The following TEC variants were observed in gnomAD, a reference collection of about 807,000 sequenced individuals.
TEC encodes the protein tec protein tyrosine kinase, also known as tyrosine-protein kinase Tec.
A neutral mutation model predicts 93.0 loss-of-function variants in TEC; 72 were observed. The ratio of observed to expected loss-of-function variants is 0.77; its 90% CI spans 0.64 to 0.94. The LOEUF is 0.94. Among genes scored for constraint, TEC ranks in the 40% least tolerant of loss-of-function variants. The pLI is 0.00. For missense variants in TEC, 630 were observed against 757.9 expected (o/e 0.83, Z 1.98); for synonymous variants, 249 against 247.7 (o/e 1.01, Z -0.05).
intron 2 of TEC, among the ~76,000 whole-genome samples, chr4:48,205,656 AC>A (rs1722692520): frequency 6.6e-6 from 1 of 151,912 alleles, no homozygotes; most frequent in Non-Finnish European, 1.5e-5. Context: ...ATACCACTTC[AC>A]ACTCACTAGG....
At chr4:48,267,726 C>T (rs1245909522) in intron 1 of TEC, among the ~76,000 whole-genome samples, 2 of 152,138 alleles carry the variant, frequency 1.3e-5, no homozygotes, top group Non-Finnish European at 2.9e-5. Context: ...GGAGCATCCA[C>T]GGGGAACCAG....
chr4:48,135,822 G>C lies in TEC; in HGVS notation c.*1594C>G, dbSNP rs559383136. The C allele has an allele frequency of 1.3e-5, 2 of 152,324 alleles. No individual in the cohort carries two copies. Among genetic ancestry groups the C allele is most frequent in the South Asian group, 4.1e-4 (2 of 4,822 alleles). 9.4% of individuals were successfully genotyped at this position (152,324 alleles called of 1,614,324 possible). On this transcript the variant is annotated 3_prime_UTR_variant, in exon 18 of 18. Coordinates refer to ENST00000381501, the MANE Select transcript of TEC (RefSeq NM_003215.3). ...AGCAGTTTACTTTCTTCCATTATGA[G>C]GGGCACAGGAAAAGAATAAACACAG...
At chr4:48,155,090 A>C (rs2109522899) in intron 9 of TEC, among the ~76,000 whole-genome samples, 1 of 152,342 alleles carries the variant, frequency 6.6e-6, no homozygotes, top group East Asian at 1.9e-4. Context: ...GAGGTAGAGA[A>C]AAGAAGTTCC....
chr4:48,138,457 G>T (rs927837326), intron 17 of TEC, among the ~76,000 whole-genome samples: 1 of 152,208 alleles, frequency 6.6e-6, no homozygotes, highest in East Asian at 1.9e-4. Context: ...CAGCCTGAAT[G>T]TATCGAGGTA....
chr4:48,249,569 G>A (rs575818150), intron 1 of TEC, among the ~76,000 whole-genome samples: 1 of 152,292 alleles, frequency 6.6e-6, no homozygotes, highest in East Asian at 1.9e-4. Context: ...GGTGTACTTG[G>A]CTGAATGGCC....
At chr4:48,171,494 C>T (rs754851092) in intron 3 of TEC, 45 bp from the exon 4 acceptor site, 6 of 1,507,414 alleles carry the variant, frequency 4.0e-6, no homozygotes, top group Non-Finnish European at 4.6e-6. Flanking sequence ...GACTTAGACA[C>T]AGCACTTCTG....
At chr4:48,217,222 G>A (rs1723109613) in intron 2 of TEC, among the ~76,000 whole-genome samples, 1 of 152,062 alleles carries the variant, frequency 6.6e-6, no homozygotes, top group Admixed American at 6.5e-5. Context: ...TCTTGACTCA[G>A]CCTCCCGAGT....
intron 2 of TEC, among the ~76,000 whole-genome samples, chr4:48,215,521 T>C (rs1386792010): frequency 6.6e-6 from 1 of 152,064 alleles, no homozygotes; most frequent in African/African-American, 2.4e-5. Context: ...AAATAATTAA[T>C]TAAATAAATA....
chr4:48,179,338 G>GTATATATATATA (rs61241595), intron 2 of TEC, among the ~76,000 whole-genome samples: 24 of 51,652 alleles, frequency 4.6e-4, no homozygotes, highest in African/African-American at 1.2e-3. Context: ...GACGTGGGTA[G>GTATATATATATA]TATATATATA....
chr4:48,218,389 C>T (rs1723146470), intron 2 of TEC, among the ~76,000 whole-genome samples: 1 of 152,162 alleles, frequency 6.6e-6, no homozygotes, highest in Admixed American at 6.5e-5. Context: ...AAACTCTCTA[C>T]CTCCTTATGT....
chr4:48,183,997 G>T (rs1212839639), intron 2 of TEC, among the ~76,000 whole-genome samples: 1 of 152,102 alleles, frequency 6.6e-6, no homozygotes, highest in Non-Finnish European at 1.5e-5. Context: ...GCTTTTACCT[G>T]ACTCCAGGTC....
At chr4:48,258,664 G>T (rs1373386559) in intron 1 of TEC, among the ~76,000 whole-genome samples, 1 of 152,140 alleles carries the variant, frequency 6.6e-6, no homozygotes, top group Non-Finnish European at 1.5e-5. Flanking sequence ...CCTCTCCTGA[G>T]TCCTGATTTT....
chr4:48,156,636 A>G (rs763829957), intron 9 of TEC, 44 bp downstream of exon 9: 4 of 1,570,196 alleles, frequency 2.5e-6, no homozygotes, highest in Non-Finnish European at 3.5e-6. Context: ...GACTCATTAA[A>G]ATTAATTTGC....
intron 14 of TEC, chr4:48,141,685 CTTTT>C: frequency 5.4e-5 from 11 of 202,932 alleles, no homozygotes; most frequent in East Asian, 2.4e-4. Flanking sequence ...TCTTTTCTTT[CTTTT>C]TTTTTTTTTT....
chr4:48,230,986 G>A (rs756508221), intron 1 of TEC, among the ~76,000 whole-genome samples: 4 of 152,276 alleles, frequency 2.6e-5, no homozygotes, highest in East Asian at 3.9e-4. Context: ...ATTAATGTAC[G>A]TATTTTTAAT....
At chr4:48,223,177 A>G (rs148647079) in intron 2 of TEC, among the ~76,000 whole-genome samples, 8 of 152,334 alleles carry the variant, frequency 5.3e-5, no homozygotes, top group Admixed American at 2.0e-4. Context: ...GATTGGAGAA[A>G]ATTATTTTAT....
intron 1 of TEC, among the ~76,000 whole-genome samples, chr4:48,234,161 A>G (rs1721083783): frequency 6.6e-6 from 1 of 152,238 alleles, no homozygotes; most frequent in African/African-American, 2.4e-5. Flanking sequence ...CTCAGAAAGA[A>G]AGTGATTTCT....
chr4:48,261,579 A>G (rs1724497577), intron 1 of TEC, among the ~76,000 whole-genome samples: 1 of 152,244 alleles, frequency 6.6e-6, no homozygotes, highest in South Asian at 2.1e-4. Context: ...AACAAAAGAT[A>G]TCATTGGAAT....
At chr4:48,215,036 T>C (rs111828811) in intron 2 of TEC, among the ~76,000 whole-genome samples, 35,538 of 151,492 alleles carry the variant, frequency 0.23, 5,162 homozygotes, top group Non-Finnish European at 0.32. Flanking sequence ...ACCTGTAATC[T>C]CAGCTACGTG....
Sources: allele counts gnomAD v4.1 joint callset (sites outside exome capture counted in the v4.1 genomes callset), GRCh38; gene constraint gnomAD v4.1.1; transcripts MANE v1.5; gene names NCBI Gene and HGNC (gene_info 2026-07-23, HGNC 2026-07-21).